SH3RF1: variants seen among roughly 807,000 people sequenced by gnomAD.
SH3RF1 encodes the protein SH3 domain containing ring finger 1, also known as E3 ubiquitin-protein ligase SH3RF1.
In SH3RF1, 32 loss-of-function variants were observed where a neutral mutation model predicts 74.0. That is an observed-to-expected ratio of 0.43 (90% CI 0.33 to 0.58). The LOEUF (loss-of-function observed/expected upper bound fraction) is 0.58. Ranked by LOEUF, SH3RF1 falls within the 20% of genes least tolerant of loss-of-function variation. The pLI is 0.05. For synonymous variants in SH3RF1, 396 were observed against 439.6 expected (o/e 0.90, Z 1.24); for missense variants, 954 against 1,130.9 (o/e 0.84, Z 2.24).
At chr4:169,101,001 G>A (rs1055394122) in intron 11 of SH3RF1, among the ~76,000 whole-genome samples, 1 of 152,172 alleles carries the variant, frequency 6.6e-6, no homozygotes, top group Admixed American at 6.5e-5. Context: ...CCAGCCCCAT[G>A]GCTGGAGGCA....
chr4:169,201,906 C>T (rs1029176833), intron 2 of SH3RF1: 9 of 152,242 alleles, frequency 5.9e-5, no homozygotes, highest in African/African-American at 2.2e-4. Context: ...TTGGTCCAAA[C>T]TGCAAGGACC....
intron 4 of SH3RF1, among the ~76,000 whole-genome samples, chr4:169,141,421 C>A (rs1369277504): frequency 6.6e-6 from 1 of 152,108 alleles, no homozygotes; most frequent in African/African-American, 2.4e-5. Flanking sequence ...CAAGCATATC[C>A]ATAGGGTAAA....
At chr4:169,186,446 T>G (rs1392001186) in intron 2 of SH3RF1, among the ~76,000 whole-genome samples, 1 of 152,018 alleles carries the variant, frequency 6.6e-6, no homozygotes, top group Non-Finnish European at 1.5e-5. Flanking sequence ...CTTATTTCTA[T>G]CAAATCCCCT....
intron 6 of SH3RF1, among the ~76,000 whole-genome samples, chr4:169,127,405 T>C (rs1733546352): frequency 6.6e-6 from 1 of 152,218 alleles, no homozygotes; most frequent in Non-Finnish European, 1.5e-5. Context: ...GTACTCACAG[T>C]CTTCGGAACC....
intron 4 of SH3RF1, among the ~76,000 whole-genome samples, chr4:169,139,052 A>G (rs1733743068): frequency 6.6e-6 from 1 of 152,208 alleles, no homozygotes; most frequent in South Asian, 2.1e-4. Context: ...CCTGGGCTCA[A>G]GCAATCCTCT....
At chr4:169,176,978 G>T (rs1205612223) in intron 2 of SH3RF1, among the ~76,000 whole-genome samples, 1 of 152,060 alleles carries the variant, frequency 6.6e-6, no homozygotes, top group Non-Finnish European at 1.5e-5. Flanking sequence ...ATGTTGCCCG[G>T]GTTGGTCTTG....
At chr4:169,244,022 G>A in intron 2 of SH3RF1, among the ~76,000 whole-genome samples, 1 of 152,196 alleles carries the variant, frequency 6.6e-6, no homozygotes, top group Non-Finnish European at 1.5e-5. Flanking sequence ...AGTAAATGAG[G>A]TTTTGAACTG....
chr4:169,127,733 C>T (rs1733550914), intron 6 of SH3RF1, among the ~76,000 whole-genome samples: 1 of 152,110 alleles, frequency 6.6e-6, no homozygotes, highest in Non-Finnish European at 1.5e-5. Context: ...TCTCTTGTGA[C>T]CTGTCCCATT....
At chr4:169,140,307 T>C (rs2126956137) in intron 4 of SH3RF1, among the ~76,000 whole-genome samples, 1 of 152,322 alleles carries the variant, frequency 6.6e-6, no homozygotes, top group Non-Finnish European at 1.5e-5. Context: ...TTGAGCTCAG[T>C]AGTGTGAGCT....
chr4:169,184,654 A>G (rs1433009666), intron 2 of SH3RF1, among the ~76,000 whole-genome samples: 1 of 152,240 alleles, frequency 6.6e-6, no homozygotes, highest in Non-Finnish European at 1.5e-5. Flanking sequence ...AGGATGAGGA[A>G]GGCTGGTAGA....
chr4:169,115,337 A>G (rs1324051489), intron 10 of SH3RF1, among the ~76,000 whole-genome samples: 2 of 152,152 alleles, frequency 1.3e-5, no homozygotes, highest in Admixed American at 1.3e-4. Context: ...TGAGTGAGTG[A>G]GGCTTCATCT....
At chr4:169,218,149 G>C (rs993300166) in intron 2 of SH3RF1, among the ~76,000 whole-genome samples, 5 of 146,092 alleles carry the variant, frequency 3.4e-5, no homozygotes, top group African/African-American at 7.5e-5. Context: ...ATTATATATT[G>C]ATTATACATA....
intron 2 of SH3RF1, among the ~76,000 whole-genome samples, chr4:169,170,434 T>C (rs531502396): frequency 6.6e-6 from 1 of 152,262 alleles, no homozygotes; most frequent in African/African-American, 2.4e-5. Flanking sequence ...GATGAGAAAA[T>C]TAATAATCGG....
At chr4:169,226,389 A>C (rs147826753) in intron 2 of SH3RF1, among the ~76,000 whole-genome samples, 1 of 152,302 alleles carries the variant, frequency 6.6e-6, no homozygotes, top group Non-Finnish European at 1.5e-5. Context: ...TCTACATATC[A>C]AGGTTTTCCT....
rs1472140666 is a variant in SH3RF1 at position 169,127,738 on chromosome 4, C to T, written c.1179+2308G>A. 2.6e-5 allele frequency among the ~76,000 whole-genome samples: 4 copies of T among 152,078 alleles called. No individual in the cohort carries two copies. The East Asian group carries it at 5.8e-4, about 22-fold the overall frequency. Reference sequence around the variant, plus strand: ...ATATCCATGTTCTCTTGTGACCTGTCCCATTGATTTGCCTCAGAGTGAGCC... The same window carrying T: ...ATATCCATGTTCTCTTGTGACCTGTTCCATTGATTTGCCTCAGAGTGAGCC... On this transcript the variant is annotated intron_variant, in intron 6 of 11. Coordinates refer to ENST00000284637, the MANE Select transcript of SH3RF1 (RefSeq NM_020870.4).
At chr4:169,124,993 C>T (rs1733501183) in intron 6 of SH3RF1, among the ~76,000 whole-genome samples, 2 of 151,430 alleles carry the variant, frequency 1.3e-5, no homozygotes, top group African/African-American at 2.5e-5. Flanking sequence ...CTCTCTACTA[C>T]AGGCAAAAAA....
At chr4:169,147,926 G>A (rs1371577756) in intron 4 of SH3RF1, among the ~76,000 whole-genome samples, 1 of 151,960 alleles carries the variant, frequency 6.6e-6, no homozygotes, top group African/African-American at 2.4e-5. Flanking sequence ...AAAATTTAGT[G>A]TGTATATAGC....
intron 4 of SH3RF1, among the ~76,000 whole-genome samples, chr4:169,146,521 C>T (rs189673365): frequency 1.4e-4 from 22 of 151,928 alleles, no homozygotes; most frequent in African/African-American, 4.1e-4. Flanking sequence ...AGCCACCACC[C>T]GGCCTAAAAA....
chr4:169,172,375 T>A (rs763144561), intron 2 of SH3RF1, among the ~76,000 whole-genome samples: 1 of 152,250 alleles, frequency 6.6e-6, no homozygotes, highest in Non-Finnish European at 1.5e-5. Context: ...ATACCTGTAC[T>A]CAGAAAATAT....
Sources: gnomAD v4.1 joint callset for allele counts (sites outside exome capture counted in the v4.1 genomes callset) on GRCh38, gnomAD v4.1.1 for gene constraint, MANE v1.5 for transcripts, NCBI Gene and HGNC (gene_info 2026-07-23, HGNC 2026-07-21) for gene names.